PEX5L: variants seen among roughly 807,000 people sequenced by gnomAD.
The protein encoded by PEX5L is PEX5-related protein.
Under a neutral mutation model 84.0 loss-of-function variants are expected in PEX5L, and 30 were observed. The ratio of observed to expected loss-of-function variants is 0.36; its 90% CI spans 0.27 to 0.48. The LOEUF (loss-of-function observed/expected upper bound fraction) is 0.48, where lower values mean the gene tolerates loss of function less well. PEX5L is among the 20% of genes least tolerant of loss of function. The pLI, the probability that PEX5L is intolerant of heterozygous loss-of-function variation, is 0.99. For missense variants in PEX5L, 533 were observed against 754.6 expected, an observed-to-expected ratio of 0.71 and a Z score of 3.44; for synonymous variants, 270 against 283.1, an observed-to-expected ratio of 0.95 and a Z score of 0.46.
chr3:179,973,035 C>A, intron 1 of PEX5L: 1 of 368,064 alleles, frequency 2.7e-6, no homozygotes, highest in Non-Finnish European at 4.4e-6. Flanking sequence ...GTCAAGCTGA[C>A]TTCCTTCCTA....
intron 8 of PEX5L, among the ~76,000 whole-genome samples, chr3:179,847,632 C>A (rs1463564743): frequency 6.6e-6 from 1 of 152,142 alleles, no homozygotes. Flanking sequence ...AACCAATAAG[C>A]AGCTTAAGTG....
intron 1 of PEX5L, among the ~76,000 whole-genome samples, chr3:180,031,133 T>A (rs1385731931): frequency 1.3e-5 from 2 of 152,174 alleles, no homozygotes; most frequent in African/African-American, 4.8e-5. Context: ...TACTAACTAG[T>A]AAGAATCAGT....
chr3:179,997,773 T>A (rs1012825155), intron 1 of PEX5L, among the ~76,000 whole-genome samples: 1 of 152,236 alleles, frequency 6.6e-6, no homozygotes, highest in African/African-American at 2.4e-5. Flanking sequence ...TTAACACATC[T>A]CCTGGTACCT....
intron 3 of PEX5L, among the ~76,000 whole-genome samples, chr3:179,891,582 T>C (rs540379376): frequency 7.8e-4 from 119 of 152,270 alleles, no homozygotes; most frequent in African/African-American, 2.7e-3. Flanking sequence ...CAACTTCAAA[T>C]AGAATGTCTA....
chr3:179,824,266 A>G (rs1729550090), intron 8 of PEX5L, among the ~76,000 whole-genome samples: 2 of 152,096 alleles, frequency 1.3e-5, no homozygotes, highest in Non-Finnish European at 1.5e-5. Context: ...GAACTAATCA[A>G]TGTGAGATTA....
chr3:179,818,199 C>T (rs9881656), intron 9 of PEX5L, among the ~76,000 whole-genome samples: 125,500 of 152,030 alleles, frequency 0.83, 52,081 homozygotes, highest in East Asian at 0.91. Context: ...CTGAATATTA[C>T]TGAGACTTCC....
intron 2 of PEX5L, among the ~76,000 whole-genome samples, chr3:179,905,398 G>A (rs1055683648): frequency 2.6e-5 from 4 of 151,680 alleles, no homozygotes; most frequent in South Asian, 2.1e-4. Flanking sequence ...TCAGTCTCCC[G>A]AGTAGCTGGA....
intron 8 of PEX5L, among the ~76,000 whole-genome samples, chr3:179,855,099 G>T (rs1277565527): frequency 6.6e-6 from 1 of 152,088 alleles, no homozygotes; most frequent in Non-Finnish European, 1.5e-5. Flanking sequence ...GTGTGGGAGA[G>T]GAACAGAGAG....
chr3:179,893,411 TG>T (rs566549346), intron 3 of PEX5L, among the ~76,000 whole-genome samples: 120 of 152,308 alleles, frequency 7.9e-4, no homozygotes, highest in African/African-American at 2.7e-3. Context: ...AAATATTTTT[TG>T]TTACTTAAAC....
chr3:180,032,001 A>G (rs1791507899), intron 1 of PEX5L, among the ~76,000 whole-genome samples: 1 of 152,260 alleles, frequency 6.6e-6, no homozygotes, highest in African/African-American at 2.4e-5. Context: ...TGTTTCTTAT[A>G]GTAAGTATAT....
intron 8 of PEX5L, among the ~76,000 whole-genome samples, chr3:179,832,894 C>A (rs556650595): frequency 2.0e-5 from 3 of 151,846 alleles, no homozygotes; most frequent in African/African-American, 7.3e-5. Context: ...CTTACCCACC[C>A]GCCCACCTAC....
At chr3:179,805,194 C>T (rs1322390407) in intron 14 of PEX5L, among the ~76,000 whole-genome samples, 3 of 146,690 alleles carry the variant, frequency 2.0e-5, no homozygotes, top group African/African-American at 7.6e-5. Context: ...AAATTCTTAC[C>T]ACTTCTCAGA....
intron 1 of PEX5L, among the ~76,000 whole-genome samples, chr3:180,010,249 T>TC (rs1789325205): frequency 7.2e-6 from 1 of 139,402 alleles, no homozygotes; most frequent in African/African-American, 2.9e-5. Flanking sequence ...CCGGCCTCTT[T>TC]TTTTTTTTTT....
chr3:179,891,030 AGCACACTAGCACTCTCAG>A (rs1254654250), intron 3 of PEX5L, among the ~76,000 whole-genome samples: 10 of 151,630 alleles, frequency 6.6e-5, no homozygotes, highest in African/African-American at 2.4e-4. Context: ...TTCTGGAGAA[AGCACACTAGCACTCTCAG>A]ATTTACTCAG....
intron 2 of PEX5L, among the ~76,000 whole-genome samples, chr3:179,970,309 T>C (rs1206125354): frequency 6.6e-6 from 1 of 152,100 alleles, no homozygotes; most frequent in Admixed American, 6.6e-5. Flanking sequence ...TCCCAGTCTA[T>C]GGGTGGGATC....
At chr3:179,951,367 G>A (rs1229285122) in intron 2 of PEX5L, among the ~76,000 whole-genome samples, 1 of 151,906 alleles carries the variant, frequency 6.6e-6, no homozygotes, top group Non-Finnish European at 1.5e-5. Flanking sequence ...ATTTCCTAGG[G>A]GAACCCATCT....
intron 2 of PEX5L, among the ~76,000 whole-genome samples, chr3:179,916,506 C>T (rs951278168): frequency 2.0e-5 from 3 of 152,134 alleles, no homozygotes; most frequent in African/African-American, 7.2e-5. Context: ...CTGGGTGAGT[C>T]AATGAGTCTG....
At chr3:179,966,260 T>A (rs1454878116) in intron 2 of PEX5L, among the ~76,000 whole-genome samples, 1 of 152,168 alleles carries the variant, frequency 6.6e-6, no homozygotes, top group Non-Finnish European at 1.5e-5. Context: ...GTCTCCTTTC[T>A]GCAACTCTAG....
chr3:179,809,968 A>C (rs1723085144), intron 11 of PEX5L, among the ~76,000 whole-genome samples: 3 of 144,812 alleles, frequency 2.1e-5, no homozygotes, highest in South Asian at 2.2e-4. Context: ...ATGAGATCTC[A>C]TGAGAAATAG....
Sources: gnomAD v4.1 joint callset for allele counts (sites outside exome capture counted in the v4.1 genomes callset) on GRCh38, gnomAD v4.1.1 for gene constraint, MANE v1.5 for transcripts, NCBI Gene and HGNC (gene_info 2026-07-23, HGNC 2026-07-21) for gene names.